Variants in SDK1 observed in about 807,000 individuals in gnomAD.
SDK1 encodes the protein sidekick cell adhesion molecule 1, also known as protein sidekick-1.
Under a neutral mutation model 245.5 loss-of-function variants are expected in SDK1, and 157 were observed. The ratio of observed to expected loss-of-function variants is 0.64; its 90% confidence interval spans 0.56 to 0.73. The LOEUF (loss-of-function observed/expected upper bound fraction) is 0.73, where lower values mean the gene tolerates loss of function less well. Ranked by LOEUF, SDK1 falls within the 30% of genes least tolerant of loss-of-function variation. The probability of loss-of-function intolerance (pLI) is 0.00; values close to 1 mark genes in which losing one functional copy is unlikely to be tolerated. For synonymous variants in SDK1, 1,647 were observed against 1,278.5 expected (o/e 1.29, Z -6.15); for missense variants, 3,583 against 3,002.3 (o/e 1.19, Z -4.52).
chr7:3,850,971 A>C (rs1242269514), intron 5 of SDK1, among the ~76,000 whole-genome samples: 2 of 152,230 alleles, frequency 1.3e-5, no homozygotes, highest in Admixed American at 6.5e-5. Flanking sequence ...ACAAACCTGC[A>C]CGTTGTGCAA....
chr7:3,348,210 C>G (rs1780559850), intron 1 of SDK1, among the ~76,000 whole-genome samples: 1 of 152,148 alleles, frequency 6.6e-6, no homozygotes, highest in Non-Finnish European at 1.5e-5. Context: ...TGATTCTTGG[C>G]TTCACTACTT....
chr7:3,369,515 T>C (rs1001590844), intron 1 of SDK1, among the ~76,000 whole-genome samples: 14 of 152,188 alleles, frequency 9.2e-5, no homozygotes, highest in Non-Finnish European at 1.9e-4. Flanking sequence ...ATACAGAGTG[T>C]TCTGATCCAA....
At position 3,671,256 on chromosome 7, in the gene SDK1, C is replaced by G. The variant is rs115407276; in HGVS notation, c.713+29151C>G. On this transcript the variant is annotated intron_variant, in intron 4 of 44. Coordinates refer to ENST00000404826, the MANE Select transcript of SDK1 (RefSeq NM_152744.4). Reference sequence around the variant, plus strand: ...ACTTCCTCTCACTGTCTCTTCATTTCTTCATCTTGTAAATTCAGAAAATTA... The same window carrying G: ...ACTTCCTCTCACTGTCTCTTCATTTGTTCATCTTGTAAATTCAGAAAATTA... Among the ~76,000 whole-genome samples the G allele has an allele frequency of 1.2e-3, 185 of 152,304 alleles. 1 individual carries two copies. Among genetic ancestry groups the G allele is most frequent in the African/African-American group, 4.3e-3 (180 of 41,570 alleles).
intron 1 of SDK1, among the ~76,000 whole-genome samples, chr7:3,496,754 CAT>C (rs1337656811): frequency 1.3e-5 from 2 of 152,176 alleles, no homozygotes; most frequent in Non-Finnish European, 2.9e-5. Flanking sequence ...ATTCTGAAAG[CAT>C]AAAACGTGCC....
At chr7:3,958,157 A>T in intron 7 of SDK1, 1 of 357,638 alleles carries the variant, frequency 2.8e-6, no homozygotes, top group South Asian at 2.1e-5. Context: ...CCAGAAATTA[A>T]TTATCGCACA....
chr7:4,140,383 G>A (rs1409702694), intron 28 of SDK1, among the ~76,000 whole-genome samples: 1 of 152,212 alleles, frequency 6.6e-6, no homozygotes, highest in Non-Finnish European at 1.5e-5. Flanking sequence ...CATGCTGGAG[G>A]CGTGGCTCTG....
intron 4 of SDK1, among the ~76,000 whole-genome samples, chr7:3,733,729 A>C (rs186663712): frequency 1.6e-4 from 25 of 152,352 alleles, no homozygotes; most frequent in African/African-American, 5.8e-4. Context: ...AGGGCAAATA[A>C]GGAAACTGGA....
Position 4,110,665 on chromosome 7 carries a change from G to A in SDK1, c.3327G>A (p.Val1109=), listed in dbSNP as rs1234305654. Residue 1109 remains valine, a splice_region_variant and synonymous_variant, in exon 23 of 45, where the codon GTG becomes GTA. Coordinates refer to ENST00000404826, the MANE Select transcript of SDK1 (RefSeq NM_152744.4). The stretch of plus-strand genomic sequence containing the variant: ...TCTCAGTGTCTCCCTCTGCACAGGT[G>A]GGAGCTATCGGCGACGAGGAGGAGT... The part of the protein sequence containing the change: ...SISRWIVEGQ[V]GAIGDEEEWV... 4 of 1,609,292 alleles carry A rather than the reference G, an allele frequency of 2.5e-6. No individual in the cohort carries two copies. In the African/African-American group the frequency reaches 4.0e-5, roughly 16 times the overall value.
At chr7:4,051,300 T>C (rs918890702) in intron 18 of SDK1, among the ~76,000 whole-genome samples, 45 of 146,522 alleles carry the variant, frequency 3.1e-4, no homozygotes, top group African/African-American at 1.1e-3. Context: ...ATGTTATATA[T>C]GGATATATGT....
chr7:3,781,005 A>C (rs542556748), intron 4 of SDK1, among the ~76,000 whole-genome samples: 1 of 152,236 alleles, frequency 6.6e-6, no homozygotes, highest in African/African-American at 2.4e-5. Flanking sequence ...GGATTTCAGA[A>C]AAGCATAGAG....
intron 12 of SDK1, among the ~76,000 whole-genome samples, chr7:3,973,606 T>C (rs186424751): frequency 2.4e-4 from 37 of 152,252 alleles, no homozygotes; most frequent in Admixed American, 6.5e-4. Flanking sequence ...AATTCCACTC[T>C]GTAGATTTTT....
chr7:3,626,085 A>G lies in SDK1; in HGVS notation c.458+6846A>G, dbSNP rs1315992055. Reference sequence around the variant, plus strand: ...CAGCCTCCCTAGTAGCTGGGATCACAAATGGGTGCCACCACAACTAGCTAT... The same window carrying G: ...CAGCCTCCCTAGTAGCTGGGATCACGAATGGGTGCCACCACAACTAGCTAT... On this transcript the variant is annotated intron_variant, in intron 2 of 44. Coordinates refer to ENST00000404826, the MANE Select transcript of SDK1 (RefSeq NM_152744.4). Among the ~76,000 whole-genome samples, 3 of 151,738 alleles carry G rather than the reference A, an allele frequency of 2.0e-5. No individual in the cohort carries two copies. In the East Asian group the frequency reaches 5.8e-4, roughly 29 times the overall value.
chr7:3,537,783 A>G (rs1033901827), intron 1 of SDK1, among the ~76,000 whole-genome samples: 1 of 152,084 alleles, frequency 6.6e-6, no homozygotes, highest in African/African-American at 2.4e-5. Flanking sequence ...TTCCCTGGAG[A>G]AGACTGTATT....
rs1176967651 is a variant in SDK1 at position 3,713,309 on chromosome 7, TG to T, written c.713+71208del. Among the ~76,000 whole-genome samples the T allele has an allele frequency of 2.0e-5, 3 of 152,180 alleles. No homozygotes were observed. In the East Asian group the frequency reaches 5.8e-4, roughly 29 times the overall value. On this transcript the variant is annotated intron_variant, in intron 4 of 44. Transcript: ENST00000404826. ...GCTCTGTGTTGTGATAAAGTACAAT[TG>T]GGGTTGTTTGTCTTTCCATGCTTAC...
intron 4 of SDK1, among the ~76,000 whole-genome samples, chr7:3,679,262 C>T (rs1046381514): frequency 7.2e-5 from 11 of 152,110 alleles, no homozygotes; most frequent in African/African-American, 2.2e-4. Context: ...AGTAAAAATT[C>T]CTATTAGAAA....
intron 37 of SDK1, among the ~76,000 whole-genome samples, chr7:4,208,542 C>T (rs1019359789): frequency 2.6e-5 from 4 of 152,200 alleles, no homozygotes; most frequent in African/African-American, 9.6e-5. Context: ...TCCCAGAGCC[C>T]TGGAGATTCA....
chr7:4,017,040 G>C, intron 16 of SDK1, 131 bp from the exon 17 acceptor site: 2 of 809,962 alleles, frequency 2.5e-6, no homozygotes, highest in Non-Finnish European at 3.7e-6. Flanking sequence ...GTATTGTTTA[G>C]GGCTGACCTC....
intron 1 of SDK1, among the ~76,000 whole-genome samples, chr7:3,495,218 C>G (rs184851041): frequency 6.6e-6 from 1 of 151,386 alleles, no homozygotes; most frequent in Non-Finnish European, 1.5e-5. Context: ...TCAGCGAGGC[C>G]CCTTTCTGTT....
chr7:4,093,207 C>T (rs929009556), intron 22 of SDK1, among the ~76,000 whole-genome samples: 8 of 152,020 alleles, frequency 5.3e-5, no homozygotes, highest in African/African-American at 1.9e-4. Flanking sequence ...CAAAACATCT[C>T]TTTGAGCATT....
Sources: gnomAD v4.1 joint callset for allele counts (sites outside exome capture counted in the v4.1 genomes callset) on GRCh38, gnomAD v4.1.1 for gene constraint, MANE v1.5 for transcripts, NCBI Gene and HGNC (gene_info 2026-07-23, HGNC 2026-07-21) for gene names.